Variants in ST18 observed in about 807,000 individuals in gnomAD.
ST18 encodes the protein suppression of tumorigenicity 18 protein.
In ST18, 50 loss-of-function variants were observed where a neutral mutation model predicts 110.0. The observed-to-expected ratio is 0.45, with a 90% CI of 0.36 to 0.58. The LOEUF is 0.58. Among genes scored for constraint, ST18 ranks in the 20% least tolerant of loss-of-function variants. The probability of loss-of-function intolerance (pLI) is 0.00; values close to 1 mark genes in which losing one functional copy is unlikely to be tolerated. For synonymous variants in ST18, 461 were observed against 452.4 expected (o/e 1.02, Z -0.24); for missense variants, 1,306 against 1,280.1 (o/e 1.02, Z -0.31).
intron 8 of ST18, among the ~76,000 whole-genome samples, chr8:52,205,864 G>A (rs1027666608): frequency 3.7e-4 from 57 of 152,274 alleles, no homozygotes; most frequent in African/African-American, 5.1e-4. Context: ...CACTACGCCC[G>A]GCCAGTGGTC....
intron 8 of ST18, among the ~76,000 whole-genome samples, chr8:52,189,671 G>C (rs2073803661): frequency 6.6e-6 from 1 of 152,110 alleles, no homozygotes; most frequent in South Asian, 2.1e-4. Context: ...CAATTACCCT[G>C]GGGAAAAAAG....
At chr8:52,249,955 T>A (rs1417058932) in intron 2 of ST18, among the ~76,000 whole-genome samples, 1 of 152,008 alleles carries the variant, frequency 6.6e-6, no homozygotes, top group African/African-American at 2.4e-5. Flanking sequence ...TTCTCCTTCC[T>A]CCTTCCTCCC....
At chr8:52,128,128 C>T (rs1265459898) in intron 22 of ST18, among the ~76,000 whole-genome samples, 2 of 152,148 alleles carry the variant, frequency 1.3e-5, no homozygotes, top group Non-Finnish European at 2.9e-5. Flanking sequence ...ACCACCACAC[C>T]TGGCTAATTT....
chr8:52,317,495 G>C (rs921711700), intron 2 of ST18, among the ~76,000 whole-genome samples: 1 of 152,194 alleles, frequency 6.6e-6, no homozygotes, highest in East Asian at 1.9e-4. Context: ...AGAACTGTAA[G>C]AGGACATATT....
At chr8:52,122,942 C>T (rs917560160) in intron 23 of ST18, among the ~76,000 whole-genome samples, 3 of 151,866 alleles carry the variant, frequency 2.0e-5, no homozygotes, top group African/African-American at 4.8e-5. Flanking sequence ...ATTTAGGACA[C>T]ACTATTTTGT....
intron 2 of ST18, among the ~76,000 whole-genome samples, chr8:52,356,936 T>A (rs1823001051): frequency 6.6e-6 from 1 of 152,106 alleles, no homozygotes; most frequent in African/African-American, 2.4e-5. Flanking sequence ...ATTATTCAGT[T>A]TGGAAGATCA....
At position 52,293,201 on chromosome 8, in the gene ST18, A is replaced by G. The variant is rs560455218; in HGVS notation, c.-464-63124T>C. On this transcript the variant is annotated intron_variant, in intron 2 of 25. Coordinates refer to ENST00000689386, the MANE Select transcript of ST18 (RefSeq NM_001352837.2). ...TTCCTGCTTTGTTAGAGAATTACCA[A>G]AGGTAGTAAGGGAGAGCAGAAACGA... Among the ~76,000 whole-genome samples the G allele has an allele frequency of 3.9e-5, 6 of 152,314 alleles. No homozygotes were observed. The South Asian group carries it at 1.2e-3, about 32-fold the overall frequency.
At chr8:52,274,438 G>C (rs913361340) in intron 2 of ST18, among the ~76,000 whole-genome samples, 2 of 146,624 alleles carry the variant, frequency 1.4e-5, no homozygotes, top group African/African-American at 2.8e-5. Context: ...ACTTAGCTTT[G>C]AGCAATCAGT....
intron 11 of ST18, among the ~76,000 whole-genome samples, chr8:52,165,477 T>C (rs994852113): frequency 3.3e-5 from 5 of 152,236 alleles, no homozygotes; most frequent in Admixed American, 2.6e-4. Context: ...TGATTCTGCT[T>C]ATAGTTAACG....
intron 8 of ST18, among the ~76,000 whole-genome samples, chr8:52,200,827 A>G (rs1287756846): frequency 2.0e-5 from 3 of 152,210 alleles, no homozygotes; most frequent in Non-Finnish European, 4.4e-5. Context: ...GAATGTCCCC[A>G]TTTACTGACA....
chr8:52,273,128 G>T (rs1349100743), intron 2 of ST18, among the ~76,000 whole-genome samples: 1 of 152,146 alleles, frequency 6.6e-6, no homozygotes, highest in East Asian at 1.9e-4. Context: ...TCTGAAAAGA[G>T]CCAAAAAGCC....
At chr8:52,132,581 C>T (rs148672763) in intron 21 of ST18, among the ~76,000 whole-genome samples, 1 of 152,314 alleles carries the variant, frequency 6.6e-6, no homozygotes, top group East Asian at 1.9e-4. Flanking sequence ...CGCTGCATAG[C>T]ACATTACTCA....
In ST18 at chr8:52,211,984, G is replaced by A. The variant is rs1024425952; in HGVS notation, c.86+95C>T. On this transcript the variant is annotated intron_variant, in intron 8 of 25. Coordinates refer to ENST00000689386, the MANE Select transcript of ST18 (RefSeq NM_001352837.2). ...AAAAGCCCTTTAGCCAATTCCTTCT[G>A]CTAAAAAAAGTATTCTGAGGCTTGA... The A allele has an allele frequency of 5.9e-6, 8 of 1,346,290 alleles. No individual in the cohort carries two copies. The African/African-American group carries it at 1.2e-4, about 20-fold the overall frequency. 83.4% of individuals were successfully genotyped at this position (1,346,290 alleles called of 1,614,324 possible).
At position 52,408,789 on chromosome 8, in the gene ST18, A is replaced by C. The variant is rs911172903; in HGVS notation, c.-465+539T>G. ...TGAAGTTTGATTCCTCAGTGCCTGT[A>C]TTCCAGTAAACAGACATATAGCATG... is the stretch of plus-strand genomic sequence containing the variant. On this transcript the variant is annotated intron_variant, in intron 2 of 25. Transcript: ENST00000689386. 9.9e-5 allele frequency among the ~76,000 whole-genome samples: 15 copies of C among 152,248 alleles called. No individual in the cohort carries two copies. The South Asian group carries it at 2.9e-3, about 29-fold the overall frequency.
intron 22 of ST18, among the ~76,000 whole-genome samples, chr8:52,128,586 G>C (rs1274506903): frequency 6.6e-6 from 1 of 152,132 alleles, no homozygotes; most frequent in Non-Finnish European, 1.5e-5. Flanking sequence ...TATGGATATA[G>C]TGTGTGGGTC....
chr8:52,279,233 A>G (rs2095330344), intron 2 of ST18, among the ~76,000 whole-genome samples: 1 of 152,164 alleles, frequency 6.6e-6, no homozygotes, highest in African/African-American at 2.4e-5. Context: ...GGCAGACTGA[A>G]AAAGAATTAA....
intron 16 of ST18, among the ~76,000 whole-genome samples, chr8:52,143,255 G>A (rs1369987388): frequency 2.6e-5 from 4 of 152,162 alleles, no homozygotes; most frequent in Admixed American, 2.0e-4. Flanking sequence ...GGGAAGCCGA[G>A]GCAGGCGGAT....
At chr8:52,229,340 AT>A (rs2090598725) in intron 3 of ST18, among the ~76,000 whole-genome samples, 1 of 152,234 alleles carries the variant, frequency 6.6e-6, no homozygotes, top group African/African-American at 2.4e-5. Context: ...GCTACATTCC[AT>A]TCTGGAGGCT....
intron 16 of ST18, among the ~76,000 whole-genome samples, chr8:52,147,345 C>A (rs1392799551): frequency 6.6e-6 from 1 of 152,064 alleles, no homozygotes; most frequent in East Asian, 1.9e-4. Context: ...ATCTCATTTT[C>A]TGGCTTTCTG....
Sources: gnomAD v4.1 joint callset for allele counts (sites outside exome capture counted in the v4.1 genomes callset) on GRCh38, gnomAD v4.1.1 for gene constraint, MANE v1.5 for transcripts, NCBI Gene and HGNC (gene_info 2026-07-23, HGNC 2026-07-21) for gene names.